Variants in PLEKHA6 observed in about 807,000 individuals in gnomAD.
The protein encoded by PLEKHA6 is pleckstrin homology domain-containing family A member 6.
A neutral mutation model predicts 116.7 loss-of-function variants in PLEKHA6; 60 were observed. That is an observed-to-expected ratio of 0.51 (90% CI 0.42 to 0.64). The LOEUF (loss-of-function observed/expected upper bound fraction) is 0.64. PLEKHA6 is among the 30% of genes least tolerant of loss of function. The pLI is 0.00. For synonymous variants in PLEKHA6, 489 were observed against 556.1 expected (o/e 0.88, Z 1.70); for missense variants, 1,338 against 1,422.7 (o/e 0.94, Z 0.96).
intron 1 of PLEKHA6, among the ~76,000 whole-genome samples, chr1:204,324,736 G>A (rs1176934625): frequency 1.3e-5 from 2 of 152,062 alleles, no homozygotes; most frequent in South Asian, 2.1e-4. Context: ...TCTGACCTGA[G>A]GCCAATAGCT....
chr1:204,333,315 A>G (rs1452926027), intron 1 of PLEKHA6, among the ~76,000 whole-genome samples: 4 of 152,346 alleles, frequency 2.6e-5, no homozygotes, highest in Middle Eastern at 3.4e-3. Context: ...AGGAGCAGGC[A>G]ATTCCCACCC....
At chr1:204,320,286 G>C (rs1672012723) in intron 1 of PLEKHA6, 1 of 153,080 alleles carries the variant, frequency 6.5e-6, no homozygotes, top group African/African-American at 2.4e-5. Flanking sequence ...ATGTACACTG[G>C]GTAGACCCCT....
At chr1:204,360,563 A>G (rs1480270857), upstream of PLEKHA6, among the ~76,000 whole-genome samples, 1 of 152,168 alleles carries the variant, frequency 6.6e-6, no homozygotes, top group Non-Finnish European at 1.5e-5. Flanking sequence ...TCCGTTGCAC[A>G]TTCCTTTACA....
intron 17 of PLEKHA6, among the ~76,000 whole-genome samples, chr1:204,234,957 TATATATATATA>T (rs1661746039): frequency 1.0e-3 from 1 of 984 alleles, no homozygotes; most frequent in Admixed American, 5.8e-3. Context: ...CTGCCCTTTA[TATATATATATA>T]TATATATATA....
In PLEKHA6 at chr1:204,228,416, CA is replaced by C. The variant is rs376769978; in HGVS notation, c.2886-189del. ...AAACACAGGTTGGGACCCCTACCTT[CA>C]ATGTTCTCAAATGAATTAAAAGGTT... is the stretch of plus-strand genomic sequence containing the variant. On this transcript the variant is annotated intron_variant, in intron 20 of 22. Coordinates refer to ENST00000272203, the MANE Select transcript of PLEKHA6 (RefSeq NM_014935.5). The surrounding 1 kb of genome is among the most constrained non-coding windows in gnomAD (Gnocchi z 4.0). Among the ~76,000 whole-genome samples the C allele has an allele frequency of 4.8e-4, 73 of 152,232 alleles. 1 individual carries two copies. In the East Asian group the frequency reaches 0.013, roughly 27 times the overall value.
At chr1:204,300,628 G>A (rs1056578419) in intron 1 of PLEKHA6, among the ~76,000 whole-genome samples, 1 of 152,188 alleles carries the variant, frequency 6.6e-6, no homozygotes, top group Non-Finnish European at 1.5e-5. Flanking sequence ...AATCAGAGAA[G>A]ATGTCAAAGT....
At position 204,269,032 on chromosome 1, in the gene PLEKHA6, T is replaced by A. The variant is rs114911388; in HGVS notation, c.103-720A>T. ...TTTACACAGCCTTGATGTCCCCGGCTCCAGCACCCTCCACCTGCACTCCAG... is the reference window on the plus strand; with the variant it reads ...TTTACACAGCCTTGATGTCCCCGGCACCAGCACCCTCCACCTGCACTCCAG... On this transcript the variant is annotated intron_variant, in intron 3 of 22. Transcript: ENST00000272203. Among the ~76,000 whole-genome samples, 1,180 of 152,134 alleles carry A rather than the reference T, an allele frequency of 7.8e-3. 16 individuals carry two copies. The highest frequency in any genetic ancestry group is 0.027 in the African/African-American group (1,122 of 41,498).
chr1:204,370,976 C>T (rs964514709), intron 2 of PLEKHA6, among the ~76,000 whole-genome samples: 5 of 151,000 alleles, frequency 3.3e-5, no homozygotes, highest in Non-Finnish European at 5.9e-5. Context: ...ATCTCTTGAA[C>T]CCGGGAGGCA....
intron 1 of PLEKHA6, among the ~76,000 whole-genome samples, chr1:204,324,660 C>T (rs1245586214): frequency 6.6e-6 from 1 of 152,218 alleles, no homozygotes; most frequent in Admixed American, 6.5e-5. Flanking sequence ...CCAGAAGTCA[C>T]AAAAGCTGAA....
intron 1 of PLEKHA6, among the ~76,000 whole-genome samples, chr1:204,358,236 C>G (rs752137588): frequency 6.6e-6 from 1 of 152,222 alleles, no homozygotes; most frequent in Non-Finnish European, 1.5e-5. Context: ...CACAGAAACT[C>G]GCTTGTTTCC....
intron 1 of PLEKHA6, among the ~76,000 whole-genome samples, chr1:204,308,687 C>CTTTCTTTTTTTTTTTTT (rs775770952): frequency 3.7e-5 from 3 of 81,404 alleles, no homozygotes; most frequent in African/African-American, 1.6e-4. Flanking sequence ...TTTTCTTTTT[C>CTTTCTTTTTTTTTTTTT]TTTTTTTTTT....
chr1:204,367,475 T>C lies in PLEKHA6; in HGVS notation c.218+324A>G, dbSNP rs1255406459. Reference sequence around the variant, plus strand: ...CGTCTCCTGCCTCTGAACCTCTGCCTGTGTGTCTAGAACAGCCTCGTTCCT... The same window carrying C: ...CGTCTCCTGCCTCTGAACCTCTGCCCGTGTGTCTAGAACAGCCTCGTTCCT... On this transcript the variant is annotated intron_variant, in intron 3 of 4. Coordinates refer to the PLEKHA6 transcript ENST00000564627. Among the ~76,000 whole-genome samples the C allele has an allele frequency of 2.6e-5, 4 of 152,146 alleles. No homozygotes were observed. The South Asian group carries it at 8.3e-4, about 32-fold the overall frequency.
chr1:204,327,224 G>A (rs533432368), intron 1 of PLEKHA6, among the ~76,000 whole-genome samples: 9 of 152,322 alleles, frequency 5.9e-5, no homozygotes, highest in South Asian at 2.1e-4. Flanking sequence ...ATTCTTCCTC[G>A]TTTAATGCCC....
chr1:204,320,820 G>A (rs904660967), intron 1 of PLEKHA6, among the ~76,000 whole-genome samples: 11 of 152,116 alleles, frequency 7.2e-5, no homozygotes, highest in African/African-American at 2.7e-4. Flanking sequence ...GGAGAGAGGG[G>A]TTCTTAGCCT....
In PLEKHA6 at chr1:204,261,257, C is replaced by A. The variant is rs1666078320; in HGVS notation, c.524+49G>T. On this transcript the variant is annotated intron_variant, in intron 7 of 22. Coordinates refer to ENST00000272203, the MANE Select transcript of PLEKHA6 (RefSeq NM_014935.5). This position sits in a 1 kb window ranked among gnomAD's most constrained non-coding sequence, Gnocchi z 4.0. ...CCCAGAGCTGGGTGTGTCTTCCATT[C>A]CCCTCTTTATTCTTCCTGCACCCCC... 1 of 1,607,396 alleles carries A rather than the reference C, an allele frequency of 6.2e-7. No individual in the cohort carries two copies. The highest frequency in any genetic ancestry group is 8.5e-7 in the Non-Finnish European group (1 of 1,174,044).
At chr1:204,266,034 G>A (rs534966826) in intron 5 of PLEKHA6, among the ~76,000 whole-genome samples, 4 of 152,310 alleles carry the variant, frequency 2.6e-5, no homozygotes, top group African/African-American at 9.6e-5. Context: ...CCAGGCTGGG[G>A]ACTCTGAAAA....
chr1:204,269,885 G>T (rs531859745), intron 3 of PLEKHA6, among the ~76,000 whole-genome samples: 3 of 152,120 alleles, frequency 2.0e-5, no homozygotes, highest in Non-Finnish European at 4.4e-5. Flanking sequence ...ATCTGAAAAT[G>T]TCTCTGTCTC....
chr1:204,336,850 G>A (rs767054660), intron 1 of PLEKHA6, among the ~76,000 whole-genome samples: 33 of 152,208 alleles, frequency 2.2e-4, no homozygotes, highest in Non-Finnish European at 4.0e-4. Context: ...TCCCCTGCTA[G>A]GGCTGTACCA....
At chr1:204,288,504 C>T (rs1422306968) in intron 1 of PLEKHA6, among the ~76,000 whole-genome samples, 1 of 152,166 alleles carries the variant, frequency 6.6e-6, no homozygotes, top group Non-Finnish European at 1.5e-5. Flanking sequence ...GAAATATTTG[C>T]CTGGCGGGCC....
Sources: allele counts gnomAD v4.1 joint callset (sites outside exome capture counted in the v4.1 genomes callset), GRCh38; gene constraint gnomAD v4.1.1; non-coding constraint Gnocchi (gnomAD v3.1); transcripts MANE v1.5; gene names NCBI Gene and HGNC (gene_info 2026-07-23, HGNC 2026-07-21).